The following ZNF536 variants were observed in gnomAD, a reference collection of about 807,000 sequenced individuals.
ZNF536 encodes zinc finger protein 536.
A neutral mutation model predicts 84.5 loss-of-function variants in ZNF536; 13 were observed. The observed-to-expected ratio is 0.15, with a 90% CI of 0.10 to 0.24. The LOEUF (loss-of-function observed/expected upper bound fraction) is 0.24, where lower values mean the gene tolerates loss of function less well. Ranked by LOEUF, ZNF536 falls within the 10% of genes least tolerant of loss-of-function variation. The pLI is 1.00. For synonymous variants in ZNF536, 811 were observed against 742.5 expected, an observed-to-expected ratio of 1.09 and a Z score of -1.50; for missense variants, 1,536 against 1,747.5, an observed-to-expected ratio of 0.88 and a Z score of 2.16.
At chr19:30,703,544 T>G (rs1474502019) in intron 1 of ZNF536, among the ~76,000 whole-genome samples, 1 of 152,192 alleles carries the variant, frequency 6.6e-6, no homozygotes, top group African/African-American at 2.4e-5. Context: ...TTGAAGGTCC[T>G]CCGGTTTCCC....
At chr19:30,459,500 C>A in intron 2 of ZNF536, among the ~76,000 whole-genome samples, 1 of 151,896 alleles carries the variant, frequency 6.6e-6, no homozygotes, top group East Asian at 1.9e-4. Context: ...CCAGGTGCAT[C>A]CCATCAAGCC....
intron 1 of ZNF536, among the ~76,000 whole-genome samples, chr19:30,666,832 G>GTGTGTGTA (rs71333464): frequency 1.3e-5 from 2 of 149,106 alleles, no homozygotes; most frequent in African/African-American, 4.9e-5. Flanking sequence ...GTGTGTGTGT[G>GTGTGTGTA]TATATATATA....
chr19:30,438,034 G>C (rs1019253680), intron 1 of ZNF536, among the ~76,000 whole-genome samples: 6 of 152,148 alleles, frequency 3.9e-5, no homozygotes, highest in African/African-American at 7.2e-5. Flanking sequence ...TCAAAGTCCT[G>C]ACTGCCCAGT....
chr19:30,629,781 T>C (rs533731473), intron 1 of ZNF536, among the ~76,000 whole-genome samples: 1 of 152,336 alleles, frequency 6.6e-6, no homozygotes, highest in East Asian at 1.9e-4. Flanking sequence ...AACCAGTGCA[T>C]CCACATTCAC....
chr19:30,588,376 GA>G (rs2047166889), intron 1 of ZNF536, among the ~76,000 whole-genome samples: 1 of 152,144 alleles, frequency 6.6e-6, no homozygotes, highest in Admixed American at 6.5e-5. Context: ...CAGTGAGGGG[GA>G]CAAGGTCCTA....
chr19:30,705,194 C>A (rs749047547), intron 1 of ZNF536, among the ~76,000 whole-genome samples: 1 of 152,054 alleles, frequency 6.6e-6, no homozygotes, highest in African/African-American at 2.4e-5. Flanking sequence ...TGGCTTATTC[C>A]GGGCCTATCA....
intron 1 of ZNF536, among the ~76,000 whole-genome samples, chr19:30,575,776 C>T (rs898001144): frequency 6.6e-6 from 1 of 152,178 alleles, no homozygotes; most frequent in African/African-American, 2.4e-5. Flanking sequence ...CAGTGACACC[C>T]AGGGATTTGA....
intron 1 of ZNF536, among the ~76,000 whole-genome samples, chr19:30,586,667 C>A (rs2047107310): frequency 6.6e-6 from 1 of 152,158 alleles, no homozygotes; most frequent in Non-Finnish European, 1.5e-5. Context: ...ACTGTACCTT[C>A]TGGAAATTAA....
intron 1 of ZNF536, among the ~76,000 whole-genome samples, chr19:30,376,873 C>CT (rs2048839203): frequency 6.6e-6 from 1 of 152,212 alleles, no homozygotes; most frequent in Non-Finnish European, 1.5e-5. Flanking sequence ...AGGACCTTAC[C>CT]TTCGGGTTCA....
chr19:30,344,101 C>T (rs2047652099), intron 2 of ZNF536, among the ~76,000 whole-genome samples: 2 of 151,450 alleles, frequency 1.3e-5, no homozygotes, highest in South Asian at 4.2e-4. Flanking sequence ...TCAGGGGCAC[C>T]CCTGTTTTGG....
At chr19:30,478,099 G>A (rs1443286298) in intron 2 of ZNF536, among the ~76,000 whole-genome samples, 1 of 151,680 alleles carries the variant, frequency 6.6e-6, no homozygotes, top group Non-Finnish European at 1.5e-5. Flanking sequence ...AGCATGTGTG[G>A]GTCAGGCTGC....
chr19:30,539,582 G>A (rs912492093), intron 3 of ZNF536, among the ~76,000 whole-genome samples: 1 of 152,112 alleles, frequency 6.6e-6, no homozygotes, highest in Non-Finnish European at 1.5e-5. Flanking sequence ...CAATGGGGAG[G>A]GCGCATGTCC....
At chr19:30,643,187 T>C (rs570081384) in intron 1 of ZNF536, among the ~76,000 whole-genome samples, 3 of 152,326 alleles carry the variant, frequency 2.0e-5, no homozygotes, top group Non-Finnish European at 2.9e-5. Context: ...CATGAATCTA[T>C]CCATTCCACT....
At chr19:30,385,991 C>T (rs1229882922) in intron 1 of ZNF536, among the ~76,000 whole-genome samples, 1 of 152,168 alleles carries the variant, frequency 6.6e-6, no homozygotes, top group African/African-American at 2.4e-5. Context: ...GTCCGTCTGT[C>T]TCACTCCTAA....
intron 1 of ZNF536, among the ~76,000 whole-genome samples, chr19:30,625,121 C>G (rs899714123): frequency 1.3e-5 from 2 of 152,168 alleles, no homozygotes; most frequent in Admixed American, 1.3e-4. Flanking sequence ...CAGCCAGGCT[C>G]AAGGAGCCAG....
intron 2 of ZNF536, among the ~76,000 whole-genome samples, chr19:30,479,180 C>T (rs531396692): frequency 6.6e-6 from 1 of 152,250 alleles, no homozygotes; most frequent in South Asian, 2.1e-4. Flanking sequence ...ATCCGGAGCT[C>T]AATCGGTGTT....
chr19:30,326,374 G>A (rs1358553928), intron 2 of ZNF536, among the ~76,000 whole-genome samples: 1 of 152,212 alleles, frequency 6.6e-6, no homozygotes, highest in Admixed American at 6.5e-5. Flanking sequence ...GGAGAAAAGG[G>A]TGCGGGAGAC....
intron 1 of ZNF536, among the ~76,000 whole-genome samples, chr19:30,658,498 T>C (rs1011704847): frequency 6.6e-6 from 1 of 152,022 alleles, no homozygotes; most frequent in African/African-American, 2.4e-5. Context: ...TCTTTGAATA[T>C]ACTGTTCTCA....
At chr19:30,386,750 C>T (rs575480392) in intron 1 of ZNF536, among the ~76,000 whole-genome samples, 24 of 152,342 alleles carry the variant, frequency 1.6e-4, no homozygotes, top group African/African-American at 5.8e-4. Flanking sequence ...GTCCCTAGGG[C>T]AGGGCCTGGC....
Sources: gnomAD v4.1 joint callset for allele counts (sites outside exome capture counted in the v4.1 genomes callset) on GRCh38, gnomAD v4.1.1 for gene constraint, MANE v1.5 for transcripts, NCBI Gene and HGNC (gene_info 2026-07-23, HGNC 2026-07-21) for gene names.